GLIS3: variants seen among roughly 807,000 people sequenced by gnomAD.
The protein encoded by GLIS3 is GLIS family zinc finger 3.
GLIS3 carries 53 observed loss-of-function variants against 78.6 expected under a neutral mutation model. That is an observed-to-expected ratio of 0.67 (90% confidence interval 0.54 to 0.85). The LOEUF (loss-of-function observed/expected upper bound fraction) is 0.85. GLIS3 is among the 40% of genes least tolerant of loss of function. The pLI is 0.00. For synonymous variants in GLIS3, 684 were observed against 509.9 expected (o/e 1.34, Z -4.60); for missense variants, 1,703 against 1,231.1 (o/e 1.38, Z -5.74).
At chr9:4,482,359 G>C in the GLIS3 span, among the ~76,000 whole-genome samples, 12 of 152,312 alleles carry the variant, frequency 7.9e-5, no homozygotes, top group African/African-American at 2.6e-4. Context: ...AGTTTAATGA[G>C]TTACAGTTCT....
the GLIS3 span, among the ~76,000 whole-genome samples, chr9:4,426,353 T>G: frequency 4.6e-5 from 7 of 152,188 alleles, no homozygotes; most frequent in African/African-American, 1.7e-4. Flanking sequence ...ATCTGAAACT[T>G]AAGTCCCAAC....
chr9:4,056,330 C>G (rs1826153997), intron 4 of GLIS3, among the ~76,000 whole-genome samples: 1 of 152,210 alleles, frequency 6.6e-6, no homozygotes, highest in South Asian at 2.1e-4. Context: ...TGTAAACTCT[C>G]TGTGGATGCA....
intron 2 of GLIS3, among the ~76,000 whole-genome samples, chr9:4,236,650 C>T (rs1163436039): frequency 6.6e-6 from 1 of 152,110 alleles, no homozygotes; most frequent in Non-Finnish European, 1.5e-5. Context: ...TTCAGGGTTA[C>T]CGTCAATGAC....
chr9:4,257,522 A>G (rs1394512639), intron 2 of GLIS3, among the ~76,000 whole-genome samples: 1 of 152,192 alleles, frequency 6.6e-6, no homozygotes, highest in Admixed American at 6.5e-5. Flanking sequence ...GTAACTATAT[A>G]AGATGATAGA....
At chr9:4,007,313 C>T (rs1394971411) in intron 4 of GLIS3, among the ~76,000 whole-genome samples, 2 of 152,062 alleles carry the variant, frequency 1.3e-5, no homozygotes, top group Non-Finnish European at 2.9e-5. Context: ...TGAGCTTTTA[C>T]CCCATCTTTC....
At chr9:4,251,707 C>G (rs2129874029) in intron 2 of GLIS3, among the ~76,000 whole-genome samples, 1 of 152,222 alleles carries the variant, frequency 6.6e-6, no homozygotes, top group East Asian at 1.9e-4. Flanking sequence ...TGTCGATGGT[C>G]TTTACAATTT....
the GLIS3 span, among the ~76,000 whole-genome samples, chr9:4,390,853 G>A: frequency 6.6e-6 from 1 of 152,172 alleles, no homozygotes; most frequent in African/African-American, 2.4e-5. Flanking sequence ...ATTCATGTAT[G>A]ACCCAAAGCA....
chr9:4,126,927 T>A (rs965250209), intron 2 of GLIS3, among the ~76,000 whole-genome samples: 1 of 152,160 alleles, frequency 6.6e-6, no homozygotes, highest in African/African-American at 2.4e-5. Flanking sequence ...ATATTTGGGA[T>A]CGAAGTAGGA....
chr9:4,280,280 C>G (rs1005642155), intron 2 of GLIS3, among the ~76,000 whole-genome samples: 1 of 152,220 alleles, frequency 6.6e-6, no homozygotes, highest in African/African-American at 2.4e-5. Flanking sequence ...ACCGTGGCAT[C>G]CCAAAGTGCT....
chr9:4,248,581 T>C (rs1224757091), intron 2 of GLIS3, among the ~76,000 whole-genome samples: 1 of 152,252 alleles, frequency 6.6e-6, no homozygotes, highest in African/African-American at 2.4e-5. Flanking sequence ...GTAGAATGAT[T>C]TATAATCCTT....
the GLIS3 span, among the ~76,000 whole-genome samples, chr9:4,408,592 T>C: frequency 3.4e-3 from 512 of 149,182 alleles, 7 homozygotes; most frequent in Non-Finnish European, 6.2e-3. Context: ...CCGGGCGCGG[T>C]GGCGGGCGCC....
chr9:4,303,268 G>C (rs7048301), upstream of GLIS3, among the ~76,000 whole-genome samples: 1,419 of 145,038 alleles, frequency 9.8e-3, 12 homozygotes, highest in Admixed American at 0.014. Flanking sequence ...TTAAAACACA[G>C]ACACACACAC....
chr9:4,168,647 T>C (rs987815766), intron 2 of GLIS3, among the ~76,000 whole-genome samples: 1 of 152,234 alleles, frequency 6.6e-6, no homozygotes, highest in African/African-American at 2.4e-5. Context: ...GCCAACATTT[T>C]TACTTTAAAA....
At chr9:4,476,686 T>TA in the GLIS3 span, among the ~76,000 whole-genome samples, 1 of 152,042 alleles carries the variant, frequency 6.6e-6, no homozygotes, top group African/African-American at 2.4e-5. Flanking sequence ...TTAGAAATAA[T>TA]ATGGGTCTTG....
At chr9:4,107,511 G>C (rs751236801) in intron 4 of GLIS3, among the ~76,000 whole-genome samples, 3 of 152,152 alleles carry the variant, frequency 2.0e-5, no homozygotes, top group African/African-American at 4.8e-5. Flanking sequence ...ACAATCATAA[G>C]GAGTTAGCCA....
intron 4 of GLIS3, among the ~76,000 whole-genome samples, chr9:4,080,064 TG>T (rs1423257345): frequency 2.6e-5 from 4 of 152,242 alleles, no homozygotes; most frequent in African/African-American, 4.8e-5. Context: ...AAAGTGTTTG[TG>T]CAGGAATCTG....
intron 8 of GLIS3, among the ~76,000 whole-genome samples, chr9:3,876,805 A>T (rs1821349500): frequency 6.6e-6 from 1 of 150,484 alleles, no homozygotes; most frequent in African/African-American, 2.5e-5. Context: ...ATATGTTACA[A>T]ACTTTCAAGA....
intron 2 of GLIS3, among the ~76,000 whole-genome samples, chr9:4,264,427 C>T (rs187498663): frequency 1.2e-4 from 19 of 152,290 alleles, no homozygotes; most frequent in Admixed American, 2.6e-4. Flanking sequence ...TATGGTAACA[C>T]GATGTCCTTT....
At chr9:4,346,123 A>G (rs1241958604) in intron 2 of GLIS3, among the ~76,000 whole-genome samples, 4 of 152,226 alleles carry the variant, frequency 2.6e-5, no homozygotes, top group Non-Finnish European at 2.9e-5. Flanking sequence ...AAAGAAAGAC[A>G]TATTACAAAA....
Sources: gnomAD v4.1 joint callset for allele counts (sites outside exome capture counted in the v4.1 genomes callset) on GRCh38, gnomAD v4.1.1 for gene constraint, MANE v1.5 for transcripts, NCBI Gene and HGNC (gene_info 2026-07-23, HGNC 2026-07-21) for gene names.